Variants in NUP133 observed in about 807,000 individuals in gnomAD.
NUP133 encodes the protein nuclear pore complex protein Nup133.
Under a neutral mutation model 146.2 loss-of-function variants are expected in NUP133, and 66 were observed. The ratio of observed to expected loss-of-function variants is 0.45; its 90% CI spans 0.37 to 0.55. The LOEUF (loss-of-function observed/expected upper bound fraction) is 0.55, where lower values mean the gene tolerates loss of function less well. Ranked by LOEUF, NUP133 falls within the 20% of genes least tolerant of loss-of-function variation. The pLI is 0.00. For missense variants in NUP133, 1,277 were observed against 1,374.8 expected (o/e 0.93, Z 1.12); for synonymous variants, 521 against 498.8 (o/e 1.04, Z -0.59).
In NUP133 at chr1:229,444,977, C is replaced by T. The variant is rs769591093; in HGVS notation, c.3271G>A (p.Asp1091Asn). 5.0e-6 allele frequency: 8 copies of T among 1,612,224 alleles called. No homozygotes were observed. The highest frequency in any genetic ancestry group is 1.3e-5 in the African/African-American group (1 of 74,842). ...CTGTCTTTAGATACTTCAATTGGAT[C>T]ATCTTTGCCATCAGAACTGGACCAG... is the stretch of plus-strand genomic sequence containing the variant. ...DNWSSSDGKD[D>N]PIEVSKDSIF... Residue 1091 changes from aspartate to asparagine, a missense_variant, in exon 25 of 26, where the codon GAT (aspartate) becomes AAT (asparagine). Coordinates refer to ENST00000261396, the MANE Select transcript of NUP133 (RefSeq NM_018230.3).
Position 229,460,722 on chromosome 1 carries a change from T to C in NUP133, c.2733A>G (p.Arg911=), listed in dbSNP as rs559994210. 250 of 1,614,000 alleles carry C rather than the reference T, an allele frequency of 1.5e-4. 12 individuals carry two copies. The South Asian group carries it at 2.7e-3, about 18-fold the overall frequency. The change falls in exon 20 of 26, where the codon CGA becomes CGG. Residue 911 remains arginine (R), a synonymous_variant. Coordinates refer to ENST00000261396, the MANE Select transcript of NUP133 (RefSeq NM_018230.3). ...LFRWYLEKGK[R]GKLLSQPISQ... ...AAATGGGCTGAGATAATAATTTGCC[T>C]CGCTTTCCTTTCTCCAGATACCAAC...
chr1:229,476,869 A>C (rs760620164), intron 13 of NUP133, among the ~76,000 whole-genome samples: 2 of 149,332 alleles, frequency 1.3e-5, no homozygotes, highest in Non-Finnish European at 2.9e-5. Context: ...GGTTGCAGTT[A>C]GCTGAGATCG....
At chr1:229,452,795 T>C in intron 21 of NUP133, 152 bp from the exon 22 acceptor site, 1 of 561,414 alleles carries the variant, frequency 1.8e-6, no homozygotes, top group South Asian at 2.4e-5. Flanking sequence ...AGAATGCTTT[T>C]AATTCTTATT....
intron 13 of NUP133, among the ~76,000 whole-genome samples, chr1:229,476,234 A>T (rs940194266): frequency 6.6e-6 from 1 of 152,328 alleles, no homozygotes; most frequent in African/African-American, 2.4e-5. Flanking sequence ...GTTTGATACA[A>T]TTCATACTGT....
chr1:229,478,077 G>C (rs1033693001), intron 12 of NUP133, among the ~76,000 whole-genome samples: 1 of 151,882 alleles, frequency 6.6e-6, no homozygotes, highest in Admixed American at 6.6e-5. Flanking sequence ...TGATTATTAC[G>C]CATTGTATGC....
chr1:229,462,194 T>A (rs893359075), intron 19 of NUP133, among the ~76,000 whole-genome samples: 7 of 152,214 alleles, frequency 4.6e-5, no homozygotes, highest in African/African-American at 1.4e-4. Flanking sequence ...CAACAACTGA[T>A]CTTTGATGAA....
Position 229,452,538 on chromosome 1 carries a change from G to T in NUP133, c.3086C>A (p.Pro1029Gln), listed in dbSNP as rs761556746. 1.5e-5 allele frequency: 24 copies of T among 1,612,324 alleles called. No individual in the cohort carries two copies. Among genetic ancestry groups the T allele is most frequent in the Non-Finnish European group, 3.4e-6 (4 of 1,178,652 alleles). The change falls in exon 22 of 26, where the codon CCA (proline) becomes CAA (glutamine). Residue 1029 changes from proline to glutamine, a missense_variant. This residue lies in a region of NUP133 where 952 missense variants were observed against 1,047.0 expected (regional missense o/e 0.91). Coordinates refer to ENST00000261396, the MANE Select transcript of NUP133 (RefSeq NM_018230.3). ...AAAAGCACATACACCAATGAGTTGTGGTGCAGTCAATACTGGCATCGCACT... is the reference window on the plus strand; with the variant it reads ...AAAAGCACATACACCAATGAGTTGTTGTGCAGTCAATACTGGCATCGCACT... ...NLSAMPVLTA[P>Q]QLIGLYICEE... is the part of the protein sequence containing the mutation.
At chr1:229,462,163 C>T (rs1219960882) in intron 19 of NUP133, among the ~76,000 whole-genome samples, 5 of 152,158 alleles carry the variant, frequency 3.3e-5, no homozygotes, top group Non-Finnish European at 1.5e-5. Context: ...GGATTACAGG[C>T]GTGAGCCACC....
chr1:229,488,337 AT>A (rs1462040812), intron 9 of NUP133, among the ~76,000 whole-genome samples: 2 of 152,192 alleles, frequency 1.3e-5, no homozygotes, highest in African/African-American at 4.8e-5. Flanking sequence ...CAAGATATTA[AT>A]GACAAGAAAA....
At chr1:229,449,301 G>C in intron 23 of NUP133, 111 bp from the exon 24 acceptor site, 1 of 650,840 alleles carries the variant, frequency 1.5e-6, no homozygotes, top group Non-Finnish European at 2.6e-6. Flanking sequence ...TAATATCTAT[G>C]AATTACTTTC....
chr1:229,478,010 C>T (rs1661120269), intron 12 of NUP133, among the ~76,000 whole-genome samples: 2 of 152,046 alleles, frequency 1.3e-5, no homozygotes, highest in Admixed American at 1.3e-4. Flanking sequence ...TTAGAATGTT[C>T]ACAACATACA....
At chr1:229,465,150 A>C (rs1660783445) in intron 17 of NUP133, among the ~76,000 whole-genome samples, 1 of 152,226 alleles carries the variant, frequency 6.6e-6, no homozygotes, top group Non-Finnish European at 1.5e-5. Context: ...AATATAGTCC[A>C]TACCTCCGGG....
At chr1:229,499,919 T>C (rs1661754338) in intron 4 of NUP133, 101 bp from the exon 5 acceptor site, 4 of 1,373,078 alleles carry the variant, frequency 2.9e-6, no homozygotes, top group African/African-American at 1.5e-5. Flanking sequence ...AATTTACTAT[T>C]TGATCAAGAA....
intron 16 of NUP133, among the ~76,000 whole-genome samples, chr1:229,465,935 AAGTC>A (rs1660804345): frequency 6.6e-6 from 1 of 151,648 alleles, no homozygotes; most frequent in Admixed American, 6.6e-5. Flanking sequence ...TGAGAGAAAA[AAGTC>A]AGCACAGATC....
Position 229,489,973 on chromosome 1 carries a change from T to C in NUP133, c.1176A>G (p.Gln392=), listed in dbSNP as rs750107927. ...ATCTTACCTGAAAAGGTGGATTATATTGAGTGACTTCTACAGTAACTGCAT... is the reference window on the plus strand; with the variant it reads ...ATCTTACCTGAAAAGGTGGATTATACTGAGTGACTTCTACAGTAACTGCAT... ...MSDAVTVEVT[Q]YNPPFQSEDL... Residue 392 remains glutamine (Q), a synonymous_variant, in exon 9 of 26, where the codon CAA becomes CAG. Coordinates refer to ENST00000261396, the MANE Select transcript of NUP133 (RefSeq NM_018230.3). 6.9e-6 allele frequency: 11 copies of C among 1,602,082 alleles called. No homozygotes were observed. The highest frequency in any genetic ancestry group is 1.7e-5 in the Admixed American group (1 of 57,966).
chr1:229,476,620 T>C (rs1185504514), intron 13 of NUP133, among the ~76,000 whole-genome samples: 5 of 152,124 alleles, frequency 3.3e-5, no homozygotes, highest in Non-Finnish European at 7.4e-5. Flanking sequence ...GCCAAAATTA[T>C]CATTTAATTT....
At chr1:229,503,994 T>G (rs998963903) in intron 2 of NUP133, among the ~76,000 whole-genome samples, 1 of 152,112 alleles carries the variant, frequency 6.6e-6, no homozygotes, top group Non-Finnish European at 1.5e-5. Context: ...TATATATACA[T>G]TTATTTATTT....
intron 23 of NUP133, among the ~76,000 whole-genome samples, chr1:229,450,028 C>T (rs1660413344): frequency 6.6e-6 from 1 of 150,410 alleles, no homozygotes; most frequent in African/African-American, 2.4e-5. Flanking sequence ...CAGGCGTGCG[C>T]CACCATACCC....
Position 229,452,507 on chromosome 1 carries a change from G to C in NUP133, c.3099+18C>G. The stretch of plus-strand genomic sequence containing the variant: ...TTTGAGTTTAAGAAATAGCGTTAAG[G>C]ATTTGAAAAGCACATACACCAATGA... On this transcript the variant is annotated intron_variant, in intron 22 of 25. Coordinates refer to ENST00000261396, the MANE Select transcript of NUP133 (RefSeq NM_018230.3). 1 of 1,581,628 alleles carries C rather than the reference G, an allele frequency of 6.3e-7. No homozygotes were observed. The highest frequency in any genetic ancestry group is 8.7e-7 in the Non-Finnish European group (1 of 1,152,822).
Sources: gnomAD v4.1 joint callset for allele counts (sites outside exome capture counted in the v4.1 genomes callset) on GRCh38, gnomAD v4.1.1 for gene constraint, gnomAD v4.1.1 regional missense constraint, MANE v1.5 for transcripts, NCBI Gene and HGNC (gene_info 2026-07-23, HGNC 2026-07-21) for gene names.